CDKAL1: variants seen among roughly 807,000 people sequenced by gnomAD.
CDKAL1 encodes CDKAL1 threonylcarbamoyladenosine tRNA methylthiotransferase.
A neutral mutation model predicts 68.2 loss-of-function variants in CDKAL1; 32 were observed. The ratio of observed to expected loss-of-function variants is 0.47; its 90% confidence interval spans 0.35 to 0.63. The LOEUF (loss-of-function observed/expected upper bound fraction) is 0.63. Ranked by LOEUF, CDKAL1 falls within the 30% of genes least tolerant of loss-of-function variation. The probability of loss-of-function intolerance (pLI) is 0.00; values close to 1 mark genes in which losing one functional copy is unlikely to be tolerated. For synonymous variants in CDKAL1, 234 were observed against 244.3 expected, an observed-to-expected ratio of 0.96 and a Z score of 0.39; for missense variants, 606 against 696.7, an observed-to-expected ratio of 0.87 and a Z score of 1.47.
chr6:21,137,002 G>A (rs989111875), intron 13 of CDKAL1, among the ~76,000 whole-genome samples: 13 of 152,042 alleles, frequency 8.6e-5, no homozygotes, highest in African/African-American at 1.9e-4. Flanking sequence ...CCCGACCAGC[G>A]TCTACCATTG....
intron 4 of CDKAL1, among the ~76,000 whole-genome samples, chr6:20,620,167 A>G (rs978785342): frequency 7.9e-5 from 12 of 152,246 alleles, no homozygotes; most frequent in African/African-American, 2.4e-4. Flanking sequence ...CCACATATAC[A>G]GAGCCATAGC....
intron 12 of CDKAL1, among the ~76,000 whole-genome samples, chr6:21,068,574 C>T (rs555904921): frequency 6.6e-6 from 1 of 152,222 alleles, no homozygotes; most frequent in African/African-American, 2.4e-5. Context: ...GGCATCTATT[C>T]TGTTCCTTTG....
chr6:20,844,773 T>C (rs892956581), intron 8 of CDKAL1, among the ~76,000 whole-genome samples: 2 of 151,826 alleles, frequency 1.3e-5, no homozygotes, highest in Non-Finnish European at 1.5e-5. Context: ...CTAAACAAAA[T>C]TGAGTTACTC....
intron 13 of CDKAL1, among the ~76,000 whole-genome samples, chr6:21,151,531 T>C (rs1776410589): frequency 6.6e-6 from 1 of 151,848 alleles, no homozygotes. Flanking sequence ...CTCAAATATC[T>C]ACTAAAATAA....
intron 13 of CDKAL1, among the ~76,000 whole-genome samples, chr6:21,174,764 T>C (rs973432053): frequency 3.3e-5 from 5 of 152,198 alleles, no homozygotes; most frequent in African/African-American, 1.2e-4. Flanking sequence ...AAATCAAAAG[T>C]ATAACTATTC....
intron 5 of CDKAL1, among the ~76,000 whole-genome samples, chr6:20,716,493 G>C (rs1772100498): frequency 6.6e-6 from 1 of 152,162 alleles, no homozygotes; most frequent in South Asian, 2.1e-4. Flanking sequence ...GCTTGGATTT[G>C]AATTCTGTCT....
At chr6:20,644,079 C>T (rs888827196) in intron 4 of CDKAL1, among the ~76,000 whole-genome samples, 2 of 151,032 alleles carry the variant, frequency 1.3e-5, no homozygotes, top group Admixed American at 6.6e-5. Flanking sequence ...GTAATTTGCC[C>T]GCCTCTGCCT....
chr6:20,988,851 G>C (rs1455776761), intron 10 of CDKAL1, among the ~76,000 whole-genome samples: 2 of 150,562 alleles, frequency 1.3e-5, no homozygotes, highest in African/African-American at 4.9e-5. Context: ...GTAGAGACGG[G>C]GTTTCACCAC....
At chr6:21,093,528 G>C (rs749387524) in intron 12 of CDKAL1, among the ~76,000 whole-genome samples, 102 of 152,214 alleles carry the variant, frequency 6.7e-4, no homozygotes, top group Non-Finnish European at 1.2e-3. Context: ...TAGACAGATT[G>C]AACCAGAATG....
chr6:20,806,264 G>A (rs1776567977), intron 8 of CDKAL1, among the ~76,000 whole-genome samples: 2 of 152,048 alleles, frequency 1.3e-5, no homozygotes, highest in South Asian at 2.1e-4. Context: ...GCGTTAGTTC[G>A]CTTAGGATAA....
chr6:20,893,387 T>C (rs1351837509), intron 9 of CDKAL1, among the ~76,000 whole-genome samples: 2 of 152,180 alleles, frequency 1.3e-5, no homozygotes, highest in Admixed American at 1.3e-4. Flanking sequence ...GTTCAATTTA[T>C]ATCTCATGCC....
intron 13 of CDKAL1, among the ~76,000 whole-genome samples, chr6:21,148,368 A>T (rs1776273421): frequency 6.6e-6 from 1 of 152,160 alleles, no homozygotes; most frequent in Non-Finnish European, 1.5e-5. Context: ...TAATCCTTCT[A>T]AAAAAATCCA....
chr6:21,117,440 C>A (rs1470262763), intron 13 of CDKAL1, among the ~76,000 whole-genome samples: 3 of 150,930 alleles, frequency 2.0e-5, no homozygotes, highest in African/African-American at 7.3e-5. Context: ...GAGTTTGAGA[C>A]CACCTTGGGC....
At chr6:21,185,267 G>A (rs1187759643) in intron 13 of CDKAL1, among the ~76,000 whole-genome samples, 1 of 150,478 alleles carries the variant, frequency 6.6e-6, no homozygotes, top group Non-Finnish European at 1.5e-5. Context: ...TCTTTTGAAA[G>A]GTGTTACTGA....
At chr6:20,748,997 G>GTATATATA (rs373574306) in intron 6 of CDKAL1, among the ~76,000 whole-genome samples, 26 of 150,590 alleles carry the variant, frequency 1.7e-4, no homozygotes, top group African/African-American at 3.7e-4. Context: ...GTATGTGTGT[G>GTATATATA]TATATATATA....
chr6:20,581,018 A>T (rs1003676587), intron 4 of CDKAL1, among the ~76,000 whole-genome samples: 22 of 152,078 alleles, frequency 1.4e-4, no homozygotes, highest in African/African-American at 5.1e-4. Context: ...CGAACTCCCG[A>T]CCTCAGGTGA....
chr6:21,221,765 G>A (rs1779546727), intron 15 of CDKAL1, among the ~76,000 whole-genome samples: 1 of 152,146 alleles, frequency 6.6e-6, no homozygotes, highest in Admixed American at 6.5e-5. Context: ...GTGCCTCTGA[G>A]CCATGAGAAA....
At chr6:20,911,762 C>T (rs1303616349) in intron 9 of CDKAL1, among the ~76,000 whole-genome samples, 2 of 152,190 alleles carry the variant, frequency 1.3e-5, no homozygotes, top group Non-Finnish European at 2.9e-5. Context: ...TTGTGTCTTC[C>T]CCAACCTCTG....
chr6:21,093,340 T>C (rs1582182848), intron 12 of CDKAL1, among the ~76,000 whole-genome samples: 2 of 152,240 alleles, frequency 1.3e-5, no homozygotes, highest in East Asian at 3.8e-4. Flanking sequence ...GATTTCAGGA[T>C]ACTCCTTTCT....
Sources: allele counts gnomAD v4.1 joint callset (sites outside exome capture counted in the v4.1 genomes callset), GRCh38; gene constraint gnomAD v4.1.1; transcripts MANE v1.5; gene names NCBI Gene and HGNC (gene_info 2026-07-23, HGNC 2026-07-21).